CDH4: variants seen among roughly 807,000 people sequenced by gnomAD.
CDH4 encodes cadherin-4.
Under a neutral mutation model 86.0 loss-of-function variants are expected in CDH4, and 33 were observed. The ratio of observed to expected loss-of-function variants is 0.38; its 90% CI spans 0.29 to 0.51. The LOEUF is 0.51. CDH4 is among the 20% of genes least tolerant of loss of function. CDH4 has a pLI of 0.86. For missense variants in CDH4, 1,114 were observed against 1,307.4 expected (o/e 0.85, Z 2.28); for synonymous variants, 555 against 549.4 (o/e 1.01, Z -0.14).
chr20:61,424,103 CAT>C (rs1326014715), intron 2 of CDH4, among the ~76,000 whole-genome samples: 3 of 151,800 alleles, frequency 2.0e-5, no homozygotes, highest in Non-Finnish European at 4.4e-5. Flanking sequence ...CGTATACACA[CAT>C]ATACACACAT....
intron 2 of CDH4, among the ~76,000 whole-genome samples, chr20:61,515,464 C>G (rs574646353): frequency 3.2e-4 from 48 of 152,344 alleles, no homozygotes; most frequent in African/African-American, 1.1e-3. Context: ...GGACCCTCCT[C>G]ATGGTGGCTG....
intron 6 of CDH4, among the ~76,000 whole-genome samples, chr20:61,861,909 C>T (rs997450848): frequency 5.9e-5 from 9 of 152,294 alleles, no homozygotes; most frequent in South Asian, 2.1e-4. Context: ...CCTCCAGAAG[C>T]GCACTGTCCC....
At chr20:61,360,843 A>G (rs1028028776) in intron 2 of CDH4, among the ~76,000 whole-genome samples, 1 of 152,240 alleles carries the variant, frequency 6.6e-6, no homozygotes, top group Admixed American at 6.5e-5. Context: ...TAAGGGCTGT[A>G]TACTTGTGAA....
chr20:61,484,263 ATTC>A (rs1271415617), intron 2 of CDH4, among the ~76,000 whole-genome samples: 1 of 152,170 alleles, frequency 6.6e-6, no homozygotes. Context: ...CCCACGTTTT[ATTC>A]TTTTGCGCTT....
At chr20:61,840,809 A>G (rs1244945886) in intron 4 of CDH4, among the ~76,000 whole-genome samples, 1 of 152,212 alleles carries the variant, frequency 6.6e-6, no homozygotes, top group Non-Finnish European at 1.5e-5. Context: ...AATTCAGAGC[A>G]TTTTGAGAGC....
At chr20:61,706,444 A>G (rs1262027286) in intron 2 of CDH4, among the ~76,000 whole-genome samples, 1 of 152,212 alleles carries the variant, frequency 6.6e-6, no homozygotes, top group Non-Finnish European at 1.5e-5. Flanking sequence ...CATGTGGGGC[A>G]CGGTCTTAAC....
intron 2 of CDH4, among the ~76,000 whole-genome samples, chr20:61,261,567 TCGGTGAGTTC>T (rs1469764329): frequency 6.6e-6 from 1 of 152,202 alleles, no homozygotes; most frequent in East Asian, 1.9e-4. Flanking sequence ...TAACTGATGA[TCGGTGAGTTC>T]TGGAGATTGG....
At chr20:61,660,940 A>G (rs1255783782) in intron 2 of CDH4, among the ~76,000 whole-genome samples, 2 of 152,104 alleles carry the variant, frequency 1.3e-5, no homozygotes, top group Non-Finnish European at 2.9e-5. Context: ...GACTTTGCTC[A>G]AGGCCAGCAC....
intron 4 of CDH4, among the ~76,000 whole-genome samples, chr20:61,799,555 G>A (rs975487924): frequency 2.0e-5 from 3 of 152,196 alleles, no homozygotes; most frequent in East Asian, 1.9e-4. Context: ...GAGAGGCCAG[G>A]GGGCTGCTCT....
intron 2 of CDH4, among the ~76,000 whole-genome samples, chr20:61,534,871 C>T (rs62201791): frequency 8.9e-6 from 1 of 112,588 alleles, no homozygotes; most frequent in Non-Finnish European, 1.8e-5. Flanking sequence ...GGCAGAGATG[C>T]CTGCTCATCC....
intron 2 of CDH4, among the ~76,000 whole-genome samples, chr20:61,579,009 C>T (rs1248905618): frequency 1.3e-5 from 2 of 152,136 alleles, no homozygotes; most frequent in South Asian, 2.1e-4. Flanking sequence ...CGACCCTGAC[C>T]GTGTGCTGAG....
chr20:61,573,020 G>T (rs954414935), intron 2 of CDH4, among the ~76,000 whole-genome samples: 9 of 139,584 alleles, frequency 6.4e-5, no homozygotes, highest in Admixed American at 6.4e-4. Flanking sequence ...ATTGATGGAT[G>T]GATGGATGGT....
At position 61,501,478 on chromosome 20, in the gene CDH4, C is replaced by T. The variant is rs921133643; in HGVS notation, c.170-242085C>T. On this transcript the variant is annotated intron_variant, in intron 2 of 15. Transcript: ENST00000614565. The surrounding 1 kb of genome is among the most constrained non-coding windows in gnomAD (Gnocchi z 4.2). ...AGGTGGGAAGAATTTATTAGGTGAG[C>T]GATGTAGCTGGAACGAGGCCTGGCT... Among the ~76,000 whole-genome samples the T allele has an allele frequency of 1.3e-5, 2 of 152,048 alleles. No homozygotes were observed. The highest frequency in any genetic ancestry group is 4.8e-5 in the African/African-American group (2 of 41,406).
At chr20:61,592,752 A>T (rs115156823) in intron 2 of CDH4, among the ~76,000 whole-genome samples, 13 of 152,266 alleles carry the variant, frequency 8.5e-5, no homozygotes, top group African/African-American at 3.1e-4. Flanking sequence ...GCCACCCAGC[A>T]CACTGCCGTC....
chr20:61,707,430 AG>A (rs1299218848), intron 2 of CDH4, among the ~76,000 whole-genome samples: 1 of 152,228 alleles, frequency 6.6e-6, no homozygotes, highest in Admixed American at 6.5e-5. Flanking sequence ...CCCACCAGGC[AG>A]CCCCACTGGC....
intron 8 of CDH4, among the ~76,000 whole-genome samples, chr20:61,907,783 TC>T (rs1033822378): frequency 1.3e-5 from 2 of 152,156 alleles, no homozygotes; most frequent in African/African-American, 4.8e-5. Context: ...GGAGATTCCG[TC>T]CCACACTAGA....
intron 6 of CDH4, among the ~76,000 whole-genome samples, chr20:61,860,634 C>T (rs1201485599): frequency 6.6e-6 from 1 of 152,146 alleles, no homozygotes; most frequent in Non-Finnish European, 1.5e-5. Context: ...GGCAAGGTTG[C>T]TGGGTTCTGT....
chr20:61,616,459 A>G (rs1015327450), intron 2 of CDH4, among the ~76,000 whole-genome samples: 3 of 152,186 alleles, frequency 2.0e-5, no homozygotes, highest in African/African-American at 4.8e-5. Flanking sequence ...ACAGCAGCCC[A>G]CCCTGTGGGA....
chr20:61,825,207 A>G (rs950829798), intron 4 of CDH4, among the ~76,000 whole-genome samples: 1 of 152,124 alleles, frequency 6.6e-6, no homozygotes, highest in African/African-American at 2.4e-5. Context: ...CAGGAGTTCG[A>G]GACCAGCTGG....
Sources: gnomAD v4.1 joint callset for allele counts (sites outside exome capture counted in the v4.1 genomes callset) on GRCh38, gnomAD v4.1.1 for gene constraint, Gnocchi (gnomAD v3.1) non-coding constraint, MANE v1.5 for transcripts, NCBI Gene and HGNC (gene_info 2026-07-23, HGNC 2026-07-21) for gene names.